Variants in ACTR1A observed in about 807,000 individuals in gnomAD.
ACTR1A encodes actin related protein 1A.
In ACTR1A, 10 loss-of-function variants were observed where a neutral mutation model predicts 50.7. The ratio of observed to expected loss-of-function variants is 0.20; its 90% CI spans 0.12 to 0.33. ACTR1A has a LOEUF of 0.33. Among genes scored for constraint, ACTR1A ranks in the 10% least tolerant of loss-of-function variants. The pLI, the probability that ACTR1A is intolerant of heterozygous loss-of-function variation, is 1.00. For synonymous variants in ACTR1A, 177 were observed against 184.2 expected (o/e 0.96, Z 0.32); for missense variants, 253 against 491.7 (o/e 0.51, Z 4.59).
chr10:102,495,658 G>C (rs762361617), intron 1 of ACTR1A, among the ~76,000 whole-genome samples: 9 of 151,586 alleles, frequency 5.9e-5, no homozygotes, highest in Admixed American at 2.6e-4. Flanking sequence ...GAACCCACAA[G>C]GGGGAGGTTG....
At chr10:102,494,033 C>T (rs1564650694) in intron 1 of ACTR1A, among the ~76,000 whole-genome samples, 2 of 152,230 alleles carry the variant, frequency 1.3e-5, no homozygotes, top group African/African-American at 4.8e-5. Context: ...TGAGCTGCCT[C>T]AATTCTGCTC....
chr10:102,481,502 G>C, intron 9 of ACTR1A, among the ~76,000 whole-genome samples: 1 of 152,188 alleles, frequency 6.6e-6, no homozygotes, highest in East Asian at 1.9e-4. Flanking sequence ...TGTGACAGGG[G>C]AGCCACCTGG....
rs866140537 is a variant in ACTR1A, at chr10:102,495,861, A to G, written c.49-5248T>C. Reference sequence around the variant, plus strand: ...CTGCAAGCTCCGCCTCCCGGGTCCAAAGCCATTCTCCTGCCTCAGCCTCCC... The same window carrying G: ...CTGCAAGCTCCGCCTCCCGGGTCCAGAGCCATTCTCCTGCCTCAGCCTCCC... On this transcript the variant is annotated intron_variant, in intron 1 of 10. Transcript: ENST00000369905. 2.2e-5 allele frequency among the ~76,000 whole-genome samples: 3 copies of G among 137,260 alleles called. No individual in the cohort carries two copies. In the South Asian group the frequency reaches 7.3e-4, roughly 34 times the overall value. 90.0% of individuals were successfully genotyped at this position (137,260 alleles called of 152,430 possible). A position where few individuals can be genotyped will look rare whatever the true frequency, so the allele number is the denominator to read the frequency against.
rs2062134915 is a variant in ACTR1A at position 102,480,748 on chromosome 10, C to G, written c.*115G>C. ...CACGGCACTCGCATGTGCACACACA[C>G]TCATATCCACACACGCACTCACACA... On this transcript the variant is annotated 3_prime_UTR_variant, in exon 11 of 11. Transcript: ENST00000369905. 1 of 881,524 alleles carries G rather than the reference C, an allele frequency of 1.1e-6. No individual in the cohort carries two copies. The highest frequency in any genetic ancestry group is 1.9e-6 in the Non-Finnish European group (1 of 528,278). 54.6% of individuals were successfully genotyped at this position (881,524 alleles called of 1,614,324 possible).
chr10:102,483,940 G>A (rs888292794), intron 6 of ACTR1A: 1 of 574,618 alleles, frequency 1.7e-6, no homozygotes, highest in Non-Finnish European at 3.1e-6. Flanking sequence ...TCACCCAACT[G>A]AAGAAATGGA....
Position 102,479,532 on chromosome 10 carries a change from C to T in ACTR1A, c.*1331G>A. ...AAGACAGGCTGGCCCCAGCTTTGCA[C>T]CATCTAGGCTGAAGGCCTTTGGACC... On this transcript the variant is annotated 3_prime_UTR_variant, in exon 11 of 11. Coordinates refer to ENST00000369905, the MANE Select transcript of ACTR1A (RefSeq NM_005736.4). This position sits in a 1 kb window ranked among gnomAD's most constrained non-coding sequence, Gnocchi z 4.0. The T allele has an allele frequency of 9.2e-7, 1 of 1,081,968 alleles. No individual in the cohort carries two copies. Among genetic ancestry groups the T allele is most frequent in the Non-Finnish European group, 1.2e-6 (1 of 811,474 alleles). The allele number at this position is 1,081,968 out of a possible 1,614,324, so 67.0% of individuals were successfully genotyped here.
chr10:102,490,449 T>C lies in ACTR1A; in HGVS notation c.113+100A>G, dbSNP rs997785166. Reference sequence around the variant, plus strand: ...AAATTGTACCATGTAGACAACTGTTTTCCTTTGTTGACTCCAAACTCGGCT... The same window carrying C: ...AAATTGTACCATGTAGACAACTGTTCTCCTTTGTTGACTCCAAACTCGGCT... On this transcript the variant is annotated intron_variant, in intron 2 of 10. Transcript: ENST00000369905. 13 of 889,972 alleles carry C rather than the reference T, an allele frequency of 1.5e-5. No individual in the cohort carries two copies. The South Asian group carries it at 2.1e-4, about 14-fold the overall frequency. The allele number at this position is 889,972 out of a possible 1,614,324, so 55.1% of individuals were successfully genotyped here. A position where few individuals can be genotyped will look rare whatever the true frequency, so the allele number is the denominator to read the frequency against.
chr10:102,481,911 A>G lies in ACTR1A; in HGVS notation c.926-13T>C. ...CTGTCACCAAAACCTGAATGGGCAA[A>G]GAGGAGAACTTCAAGTCAATTCTCA... On this transcript the variant is annotated splice_polypyrimidine_tract_variant and intron_variant, in intron 8 of 10. Coordinates refer to ENST00000369905, the MANE Select transcript of ACTR1A (RefSeq NM_005736.4). 1.2e-6 allele frequency: 2 copies of G among 1,613,222 alleles called. No individual in the cohort carries two copies. Among genetic ancestry groups the G allele is most frequent in the Non-Finnish European group, 1.7e-6 (2 of 1,180,022 alleles).
intron 6 of ACTR1A, chr10:102,483,603 CT>C (rs1191868576): frequency 6.3e-6 from 1 of 158,526 alleles, no homozygotes; most frequent in African/African-American, 2.4e-5. Context: ...CTTTGGGAGG[CT>C]GAGGCGGGCA....
rs765144346 is a variant in ACTR1A at position 102,488,486 on chromosome 10, C to T, written c.190-211G>A. ...CAAACTGCCCTCATTCCCGAGGAGC[C>T]GGCAAAGCAGGGGCTTCTGCATTTC... On this transcript the variant is annotated intron_variant, in intron 3 of 10. Transcript: ENST00000369905. This position sits in a 1 kb window ranked among gnomAD's most constrained non-coding sequence, Gnocchi z 4.4. Among the ~76,000 whole-genome samples the T allele has an allele frequency of 4.6e-5, 7 of 152,222 alleles. No homozygotes were observed. Among genetic ancestry groups the T allele is most frequent in the Non-Finnish European group, 8.8e-5 (6 of 68,036 alleles).
intron 1 of ACTR1A, among the ~76,000 whole-genome samples, chr10:102,493,475 A>T (rs2062205442): frequency 6.6e-6 from 1 of 152,232 alleles, no homozygotes; most frequent in Non-Finnish European, 1.5e-5. Flanking sequence ...AAAGGACTAG[A>T]GTCTGGGTAA....
chr10:102,501,929 T>C (rs1156990276), intron 1 of ACTR1A, among the ~76,000 whole-genome samples: 1 of 152,222 alleles, frequency 6.6e-6, no homozygotes, highest in African/African-American at 2.4e-5. Context: ...TTACCAACTT[T>C]GTAATTTATA....
At position 102,488,171 on chromosome 10, in the gene ACTR1A, C is replaced by T; in HGVS notation, c.294G>A (p.Gln98=). The T allele has an allele frequency of 3.7e-6, 6 of 1,613,464 alleles. No homozygotes were observed. Among genetic ancestry groups the T allele is most frequent in the Non-Finnish European group, 5.1e-6 (6 of 1,179,440 alleles). The change falls in exon 4 of 11, where the codon CAG becomes CAA. Residue 98 remains glutamine (Q), a synonymous_variant. Transcript: ENST00000369905. The surrounding 1 kb of genome is among the most constrained non-coding windows in gnomAD (Gnocchi z 4.4). ...RIWQYVYSKD[Q]LQTFSEEHPV... ...TCACCTCCTCTGAGAAAGTCTGCAG[C>T]TGGTCCTTAGAATAGACATATTGCC...
intron 1 of ACTR1A, among the ~76,000 whole-genome samples, chr10:102,498,141 A>G (rs2062231355): frequency 6.6e-6 from 1 of 151,972 alleles, no homozygotes; most frequent in Non-Finnish European, 1.5e-5. Context: ...GTCTTCAATT[A>G]TATCTGTAAT....
At position 102,488,423 on chromosome 10, in the gene ACTR1A, G is replaced by T; in HGVS notation, c.190-148C>A. The T allele has an allele frequency of 8.6e-7, 1 of 1,156,612 alleles. No homozygotes were observed. The highest frequency in any genetic ancestry group is 1.2e-6 in the Non-Finnish European group (1 of 821,712). 71.6% of individuals were successfully genotyped at this position (1,156,612 alleles called of 1,614,324 possible). A position where few individuals can be genotyped will look rare whatever the true frequency, so the allele number is the denominator to read the frequency against. On this transcript the variant is annotated intron_variant, in intron 3 of 10. Transcript: ENST00000369905. The surrounding 1 kb of genome is among the most constrained non-coding windows in gnomAD (Gnocchi z 4.4). ...CTGCTGTCCTTGCCCAGGGCTAAGGGTGGGCACTCATTCTCCAAGGCTAAA... is the reference window on the plus strand; with the variant it reads ...CTGCTGTCCTTGCCCAGGGCTAAGGTTGGGCACTCATTCTCCAAGGCTAAA...
At chr10:102,491,802 G>A (rs1190535394) in intron 1 of ACTR1A, among the ~76,000 whole-genome samples, 5 of 152,194 alleles carry the variant, frequency 3.3e-5, no homozygotes, top group Non-Finnish European at 7.3e-5. Flanking sequence ...GTCTCGCTCT[G>A]TCGCCCAGGC....
Position 102,480,456 on chromosome 10 carries a change from G to A in ACTR1A, c.*407C>T. The A allele has an allele frequency of 4.8e-6, 1 of 208,108 alleles. No individual in the cohort carries two copies. The highest frequency in any genetic ancestry group is 1.3e-4 in the East Asian group (1 of 7,680). The allele number at this position is 208,108 out of a possible 1,614,324, so 12.9% of individuals were successfully genotyped here. ...GGCAGCAGCTGCCTGGGGCCTCAGG[G>A]CACCCTGGGGGTGGGGGTGAGGGTG... is the stretch of plus-strand genomic sequence containing the variant. On this transcript the variant is annotated 3_prime_UTR_variant, in exon 11 of 11. Transcript: ENST00000369905.
chr10:102,490,496 C>T, intron 2 of ACTR1A, 53 bp downstream of exon 2: 1 of 1,462,566 alleles, frequency 6.8e-7, no homozygotes. Flanking sequence ...TAGGGCTGGG[C>T]CTGTAACAAA....
rs753995001 is a variant in ACTR1A at position 102,490,530 on chromosome 10, A to G, written c.113+19T>C. 6.2e-7 allele frequency: 1 copy of G among 1,606,376 alleles called. No homozygotes were observed. The highest frequency in any genetic ancestry group is 8.5e-7 in the Non-Finnish European group (1 of 1,173,100). On this transcript the variant is annotated intron_variant, in intron 2 of 10. Coordinates refer to ENST00000369905, the MANE Select transcript of ACTR1A (RefSeq NM_005736.4). ...AAGCTGATGAGCCTCCAAAACGTCT[A>G]AGCTACAGAATGACTTACTAGTTTG...
Sources: allele counts gnomAD v4.1 joint callset (sites outside exome capture counted in the v4.1 genomes callset), GRCh38; gene constraint gnomAD v4.1.1; non-coding constraint Gnocchi (gnomAD v3.1); transcripts MANE v1.5; gene names NCBI Gene and HGNC (gene_info 2026-07-23, HGNC 2026-07-21).